NT5DC3: variants seen among roughly 807,000 people sequenced by gnomAD.
NT5DC3 encodes 5'-nucleotidase domain-containing protein 3.
Under a neutral mutation model 67.8 loss-of-function variants are expected in NT5DC3, and 42 were observed. The observed-to-expected ratio is 0.62, with a 90% CI of 0.48 to 0.80. NT5DC3 has a LOEUF of 0.80. Among genes scored for constraint, NT5DC3 ranks in the 30% least tolerant of loss-of-function variants. NT5DC3 has a pLI of 0.00. For missense variants in NT5DC3, 570 were observed against 696.4 expected, an observed-to-expected ratio of 0.82 and a Z score of 2.04; for synonymous variants, 237 against 255.6, an observed-to-expected ratio of 0.93 and a Z score of 0.69.
chr12:103,782,252 C>T (rs1026338246), intron 12 of NT5DC3, among the ~76,000 whole-genome samples: 1 of 152,050 alleles, frequency 6.6e-6, no homozygotes, highest in Non-Finnish European at 1.5e-5. Context: ...ACCTGTAATC[C>T]TAGCTACTCA....
intron 1 of NT5DC3, among the ~76,000 whole-genome samples, chr12:103,828,346 G>A (rs1420489206): frequency 6.6e-6 from 1 of 152,178 alleles, no homozygotes; most frequent in Non-Finnish European, 1.5e-5. Context: ...GACCTCCAGA[G>A]GCCCCTCCAC....
intron 5 of NT5DC3, 120 bp from the exon 6 acceptor site, chr12:103,797,151 C>A: frequency 2.8e-6 from 3 of 1,053,672 alleles, no homozygotes; most frequent in Admixed American, 4.6e-5. Context: ...ATCATCAACA[C>A]AAAAAAGGAA....
the NT5DC3 span, among the ~76,000 whole-genome samples, chr12:103,764,725 C>G: frequency 6.6e-6 from 1 of 152,000 alleles, no homozygotes; most frequent in Non-Finnish European, 1.5e-5. Context: ...AATATAAATG[C>G]AATAGACTGA....
At chr12:103,827,956 T>C (rs1251603838) in intron 1 of NT5DC3, among the ~76,000 whole-genome samples, 1 of 152,216 alleles carries the variant, frequency 6.6e-6, no homozygotes, top group African/African-American at 2.4e-5. Flanking sequence ...GAATTAACTT[T>C]TAAAGTTACA....
chr12:103,779,326 TAC>T (rs1237393290), intron 13 of NT5DC3, among the ~76,000 whole-genome samples: 1 of 152,206 alleles, frequency 6.6e-6, no homozygotes, highest in Non-Finnish European at 1.5e-5. Flanking sequence ...GCTGGGACCC[TAC>T]ACACAGAGTA....
the NT5DC3 span, chr12:103,748,975 G>A: frequency 1.2e-6 from 2 of 1,613,154 alleles, no homozygotes; most frequent in Non-Finnish European, 1.7e-6. Flanking sequence ...GTGGATTTCT[G>A]CAAACAGGAC....
the NT5DC3 span, among the ~76,000 whole-genome samples, chr12:103,747,931 G>A: frequency 6.7e-6 from 1 of 148,938 alleles, no homozygotes; most frequent in Admixed American, 6.7e-5. Flanking sequence ...GGAGGCAGAG[G>A]TTGCAGTGAG....
At chr12:103,801,405 C>T (rs192986711) in intron 4 of NT5DC3, among the ~76,000 whole-genome samples, 2,667 of 95,286 alleles carry the variant, frequency 0.028, 35 homozygotes, top group Middle Eastern at 0.096. Context: ...TTTTTTGAGA[C>T]GGAGTCTTGC....
chr12:103,755,289 T>G, the NT5DC3 span: 1 of 1,613,186 alleles, frequency 6.2e-7, no homozygotes, highest in Non-Finnish European at 8.5e-7. Flanking sequence ...TGGCCCTGTC[T>G]GTATCCCTGC....
At chr12:103,766,407 G>A, downstream of NT5DC3, 1 of 1,537,244 alleles carries the variant, frequency 6.5e-7, no homozygotes, top group Non-Finnish European at 8.8e-7. Context: ...CTCAGCACCA[G>A]TTGCCTTTTA....
chr12:103,746,561 A>C, the NT5DC3 span: 7 of 1,601,642 alleles, frequency 4.4e-6, no homozygotes, highest in African/African-American at 8.0e-5. Context: ...TCTTCACACC[A>C]TGGGTACAGA....
intron 1 of NT5DC3, among the ~76,000 whole-genome samples, chr12:103,827,843 G>A (rs1434774025): frequency 6.6e-6 from 1 of 152,142 alleles, no homozygotes; most frequent in Non-Finnish European, 1.5e-5. Flanking sequence ...GTACTTATTT[G>A]CAAAGAAGAT....
chr12:103,816,328 T>A (rs1040222448), intron 1 of NT5DC3, among the ~76,000 whole-genome samples: 1 of 152,214 alleles, frequency 6.6e-6, no homozygotes, highest in Non-Finnish European at 1.5e-5. Flanking sequence ...TGCAAAAGTT[T>A]GAGATTTTGG....
chr12:103,840,904 C>T, intron 1 of NT5DC3, 45 bp downstream of exon 1: 1 of 1,213,480 alleles, frequency 8.2e-7, no homozygotes, highest in Non-Finnish European at 1.1e-6. Flanking sequence ...GCTGAGCGCG[C>T]AGGAGGGGCC....
chr12:103,793,972 T>C lies in NT5DC3; in HGVS notation c.779A>G (p.Lys260Arg). The change falls in exon 7 of 14, where the codon AAA (lysine) becomes AGA (arginine). Residue 260 changes from lysine (K) to arginine (R), a missense_variant. Lys to Arg is a conservative substitution (Grantham distance 26, BLOSUM62 2). Transcript: ENST00000392876. ...VKDSIRDVHI[K>R]GIMYRAIEAD... is the part of the protein sequence containing the mutation. ...TTCAATTGCTCTGTACATTATTCCT[T>C]TGATGTGGACGTCTCGAATTGAATC... is the stretch of plus-strand genomic sequence containing the variant. The C allele has an allele frequency of 6.2e-7, 1 of 1,613,788 alleles. No homozygotes were observed. The highest frequency in any genetic ancestry group is 8.5e-7 in the Non-Finnish European group (1 of 1,179,670).
chr12:103,753,199 T>C, the NT5DC3 span: 2 of 1,613,036 alleles, frequency 1.2e-6, no homozygotes, highest in Middle Eastern at 1.7e-4. Context: ...ACCTGGGCGA[T>C]TCCTCCTCTT....
At chr12:103,800,683 G>A (rs1000266065) in intron 4 of NT5DC3, among the ~76,000 whole-genome samples, 2 of 152,198 alleles carry the variant, frequency 1.3e-5, no homozygotes, top group African/African-American at 4.8e-5. Flanking sequence ...CAGATTGCCC[G>A]GCCACATCTG....
chr12:103,830,053 T>C (rs566213892), intron 1 of NT5DC3, among the ~76,000 whole-genome samples: 87 of 152,358 alleles, frequency 5.7e-4, no homozygotes, highest in African/African-American at 2.1e-3. Flanking sequence ...GTAATAATAC[T>C]ATCAATAATC....
At chr12:103,752,581 A>C in the NT5DC3 span, among the ~76,000 whole-genome samples, 2 of 152,228 alleles carry the variant, frequency 1.3e-5, no homozygotes, top group African/African-American at 4.8e-5. Context: ...TGAATTTTTA[A>C]AACTTTTTTA....
Sources: allele counts gnomAD v4.1 joint callset (sites outside exome capture counted in the v4.1 genomes callset), GRCh38; gene constraint gnomAD v4.1.1; transcripts MANE v1.5; gene names NCBI Gene and HGNC (gene_info 2026-07-23, HGNC 2026-07-21).